The following SLC14A2 variants were observed in gnomAD, a reference collection of about 807,000 sequenced individuals.
The protein encoded by SLC14A2 is solute carrier family 14 member 2.
A neutral mutation model predicts 104.6 loss-of-function variants in SLC14A2; 91 were observed. The ratio of observed to expected loss-of-function variants is 0.87; its 90% CI spans 0.73 to 1.04. The LOEUF is 1.04. Ranked by LOEUF, SLC14A2 falls within the 50% of genes least tolerant of loss-of-function variation. The pLI, the probability that SLC14A2 is intolerant of heterozygous loss-of-function variation, is 0.00. For missense variants in SLC14A2, 1,189 were observed against 1,156.0 expected, an observed-to-expected ratio of 1.03 and a Z score of -0.41; for synonymous variants, 476 against 466.4, an observed-to-expected ratio of 1.02 and a Z score of -0.27.
intron 1 of SLC14A2, among the ~76,000 whole-genome samples, chr18:45,455,241 A>G (rs1187296746): frequency 1.3e-5 from 2 of 152,244 alleles, no homozygotes; most frequent in African/African-American, 2.4e-5. Flanking sequence ...ACTTGGAACC[A>G]GCCCAAATGT....
chr18:45,289,587 T>C (rs1257521169), intron 1 of SLC14A2, among the ~76,000 whole-genome samples: 4 of 152,152 alleles, frequency 2.6e-5, no homozygotes, highest in Admixed American at 2.6e-4. Context: ...TTGCTTTAGG[T>C]GCATTTTGAC....
At chr18:45,335,667 G>A (rs1034105382) in intron 1 of SLC14A2, among the ~76,000 whole-genome samples, 1 of 152,126 alleles carries the variant, frequency 6.6e-6, no homozygotes, top group Non-Finnish European at 1.5e-5. Context: ...TTCCAAAATA[G>A]CTAGAATTAT....
intron 2 of SLC14A2, among the ~76,000 whole-genome samples, chr18:45,587,309 C>T (rs2044581326): frequency 6.6e-6 from 1 of 152,198 alleles, no homozygotes; most frequent in Admixed American, 6.5e-5. Flanking sequence ...AGTATGTTAA[C>T]TATACTAATA....
intron 1 of SLC14A2, among the ~76,000 whole-genome samples, chr18:45,384,622 A>AC (rs942579547): frequency 5.9e-5 from 9 of 151,522 alleles, no homozygotes; most frequent in Admixed American, 3.9e-4. Flanking sequence ...GTAGCCAACT[A>AC]CCCCCGCCCC....
the SLC14A2 span, among the ~76,000 whole-genome samples, chr18:45,205,053 A>G: frequency 3.5e-4 from 53 of 152,204 alleles, no homozygotes; most frequent in Non-Finnish European, 1.9e-4. Context: ...GTGCCTGGCC[A>G]TGGTATGGAA....
At chr18:45,264,653 C>T (rs998004643) in intron 1 of SLC14A2, among the ~76,000 whole-genome samples, 3 of 152,030 alleles carry the variant, frequency 2.0e-5, no homozygotes, top group Non-Finnish European at 4.4e-5. Flanking sequence ...TGAGAGACAA[C>T]CGGAAGGGGA....
At chr18:45,236,249 ATATATGTGTATATATACATG>A (rs2084242408) in intron 1 of SLC14A2, among the ~76,000 whole-genome samples, 1 of 37,038 alleles carries the variant, frequency 2.7e-5, no homozygotes, top group Admixed American at 4.0e-4. Flanking sequence ...ATATGTGTGT[ATATATGTGTATATATACATG>A]TATGTGTGTA....
At chr18:45,532,750 G>A (rs1346514285) in intron 2 of SLC14A2, among the ~76,000 whole-genome samples, 2 of 152,156 alleles carry the variant, frequency 1.3e-5, no homozygotes. Context: ...TAGGAGTGGT[G>A]AGAGAGAGCA....
At chr18:45,239,849 T>C (rs1323675199) in intron 1 of SLC14A2, among the ~76,000 whole-genome samples, 2 of 152,186 alleles carry the variant, frequency 1.3e-5, no homozygotes, top group Non-Finnish European at 2.9e-5. Context: ...AAGATCTTCA[T>C]ATAGAGTGAA....
chr18:45,659,396 C>T (rs565972100), intron 10 of SLC14A2, among the ~76,000 whole-genome samples: 194 of 152,346 alleles, frequency 1.3e-3, no homozygotes, highest in African/African-American at 4.5e-3. Flanking sequence ...TGCCCAGCCT[C>T]ACCTCAAAAG....
intron 4 of SLC14A2, among the ~76,000 whole-genome samples, chr18:45,631,316 C>T (rs987431847): frequency 6.6e-6 from 1 of 152,264 alleles, no homozygotes; most frequent in South Asian, 2.1e-4. Context: ...ACACAGGTCA[C>T]TCCTTGGCAG....
the SLC14A2 span, among the ~76,000 whole-genome samples, chr18:45,173,024 A>G: frequency 1.3e-5 from 2 of 152,110 alleles, no homozygotes; most frequent in African/African-American, 4.8e-5. Flanking sequence ...CAATGGGTCA[A>G]TGTCACACTG....
At chr18:45,274,457 T>A (rs8092599) in intron 1 of SLC14A2, among the ~76,000 whole-genome samples, 6,981 of 152,264 alleles carry the variant, frequency 0.046, 476 homozygotes, top group African/African-American at 0.15. Context: ...GATCTTTTTT[T>A]AATCTTTCCT....
intron 2 of SLC14A2, among the ~76,000 whole-genome samples, chr18:45,521,283 G>C (rs927073096): frequency 1.3e-5 from 2 of 152,224 alleles, no homozygotes; most frequent in African/African-American, 2.4e-5. Context: ...AGGGTTAAAT[G>C]ACTCATTCCA....
At chr18:45,240,326 A>T (rs1320635625) in intron 1 of SLC14A2, among the ~76,000 whole-genome samples, 1 of 151,344 alleles carries the variant, frequency 6.6e-6, no homozygotes, top group African/African-American at 2.4e-5. Context: ...TGATCTCCTG[A>T]CCTCGTGATC....
At chr18:45,231,074 A>G (rs1306826648) in intron 1 of SLC14A2, among the ~76,000 whole-genome samples, 2 of 152,264 alleles carry the variant, frequency 1.3e-5, no homozygotes, top group Non-Finnish European at 2.9e-5. Flanking sequence ...ATAGAAGGGC[A>G]TTACTATCCA....
chr18:45,396,057 AC>A (rs2086026907), intron 1 of SLC14A2, among the ~76,000 whole-genome samples: 1 of 151,914 alleles, frequency 6.6e-6, no homozygotes, highest in Non-Finnish European at 1.5e-5. Flanking sequence ...GGAGTATAAA[AC>A]CTTTTTGGTC....
At chr18:45,241,332 G>A (rs1294604303) in intron 1 of SLC14A2, among the ~76,000 whole-genome samples, 1 of 152,216 alleles carries the variant, frequency 6.6e-6, no homozygotes, top group Admixed American at 6.5e-5. Context: ...GGACAGGAAG[G>A]CTGAATGTGA....
chr18:45,517,402 G>A (rs1019753299), intron 2 of SLC14A2, among the ~76,000 whole-genome samples: 16 of 152,072 alleles, frequency 1.1e-4, no homozygotes, highest in South Asian at 4.2e-4. Flanking sequence ...AGATAATTAC[G>A]CCTCTAGGTC....
Sources: allele counts gnomAD v4.1 joint callset (sites outside exome capture counted in the v4.1 genomes callset), GRCh38; gene constraint gnomAD v4.1.1; transcripts MANE v1.5; gene names NCBI Gene and HGNC (gene_info 2026-07-23, HGNC 2026-07-21).